TENM4: variants seen among roughly 807,000 people sequenced by gnomAD.
The protein encoded by TENM4 is teneurin-4.
TENM4 carries 82 observed loss-of-function variants against 243.3 expected under a neutral mutation model. The ratio of observed to expected loss-of-function variants is 0.34; its 90% CI spans 0.28 to 0.40. The LOEUF is 0.40. TENM4 is among the 10% of genes least tolerant of loss of function. The pLI, the probability that TENM4 is intolerant of heterozygous loss-of-function variation, is 1.00. For missense variants in TENM4, 3,138 were observed against 3,673.3 expected (o/e 0.85, Z 3.77); for synonymous variants, 1,412 against 1,456.3 (o/e 0.97, Z 0.69).
intron 1 of TENM4, among the ~76,000 whole-genome samples, chr11:79,320,625 G>A (rs1392364697): frequency 6.6e-6 from 1 of 152,070 alleles, no homozygotes; most frequent in Non-Finnish European, 1.5e-5. Flanking sequence ...ACTCATGTTT[G>A]CTTATATCCA....
intron 33 of TENM4, 40 bp from the exon 34 acceptor site, chr11:78,658,856 G>A: frequency 3.2e-6 from 5 of 1,568,946 alleles, no homozygotes; most frequent in Non-Finnish European, 4.3e-6. Flanking sequence ...TAAGACAAAG[G>A]GGAAAAAACC....
chr11:78,889,869 A>C lies in TENM4; in HGVS notation c.1000T>G (p.Ser334Ala). 1 of 1,551,782 alleles carries C rather than the reference A, an allele frequency of 6.4e-7. No homozygotes were observed. Among genetic ancestry groups the C allele is most frequent in the Non-Finnish European group, 8.7e-7 (1 of 1,147,008 alleles). The change falls in exon 9 of 34, where the codon TCC becomes GCC. Residue 334 changes from serine (S) to alanine (A), a missense_variant. Ser to Ala is a moderately conservative substitution (Grantham distance 99). Around this residue, in one of 2 missense-constraint regions of TENM4, gnomAD observed 671 missense variants for 614.1 expected, o/e 1.09. Transcript: ENST00000278550. ...GCGCACTTCCAGTTACAGTACTTGG[A>C]GGGCTTCTTGAGGTTAAAGGCCGGC... Reference protein sequence around the residue: ...ARPAFNLKKPSKYCNWKCAAL... With the variant: ...ARPAFNLKKPAKYCNWKCAAL...
At chr11:78,884,253 T>C (rs916464091) in intron 9 of TENM4, among the ~76,000 whole-genome samples, 5 of 152,222 alleles carry the variant, frequency 3.3e-5, no homozygotes, top group African/African-American at 9.6e-5. Context: ...GCAGGCAGCC[T>C]AATTTCAGAA....
intron 19 of TENM4, among the ~76,000 whole-genome samples, chr11:78,745,395 T>C (rs1856027438): frequency 6.6e-6 from 1 of 152,016 alleles, no homozygotes; most frequent in Non-Finnish European, 1.5e-5. Flanking sequence ...GCCCAGCTAA[T>C]TTTTTGTATT....
At chr11:79,118,620 T>A (rs1317416998) in intron 4 of TENM4, among the ~76,000 whole-genome samples, 1 of 152,190 alleles carries the variant, frequency 6.6e-6, no homozygotes, top group Non-Finnish European at 1.5e-5. Flanking sequence ...ATTTGACTAC[T>A]CTAGGTACCT....
chr11:79,306,344 A>G (rs907296043), intron 1 of TENM4, among the ~76,000 whole-genome samples: 1 of 152,198 alleles, frequency 6.6e-6, no homozygotes, highest in Non-Finnish European at 1.5e-5. Flanking sequence ...CCTTGGCAGC[A>G]TCAGAAAAGC....
chr11:79,150,423 T>G lies in TENM4; in HGVS notation c.-162-1617A>C, dbSNP rs1862482237. Among the ~76,000 whole-genome samples, 3 of 152,054 alleles carry G rather than the reference T, an allele frequency of 2.0e-5. No homozygotes were observed. The South Asian group carries it at 6.2e-4, about 32-fold the overall frequency. ...AAAAACACTGTGTTGAGTTCAAATT[T>G]CTTCATCTAGCAAACAGCCCTTCCC... On this transcript the variant is annotated intron_variant, in intron 3 of 33. Coordinates refer to ENST00000278550, the MANE Select transcript of TENM4 (RefSeq NM_001098816.3).
At chr11:79,215,366 C>A (rs1460031152) in intron 3 of TENM4, among the ~76,000 whole-genome samples, 1 of 152,208 alleles carries the variant, frequency 6.6e-6, no homozygotes, top group Non-Finnish European at 1.5e-5. Context: ...TCCTATTCCC[C>A]ACTGTGCCTC....
intron 3 of TENM4, among the ~76,000 whole-genome samples, chr11:79,209,801 G>A (rs1485288844): frequency 6.6e-6 from 1 of 152,226 alleles, no homozygotes; most frequent in African/African-American, 2.4e-5. Context: ...CCTGTGTGGG[G>A]AAAGTATGGT....
At chr11:79,143,441 C>T (rs1204646632) in intron 4 of TENM4, among the ~76,000 whole-genome samples, 1 of 152,058 alleles carries the variant, frequency 6.6e-6, no homozygotes, top group Non-Finnish European at 1.5e-5. Flanking sequence ...AAACCAAACA[C>T]TGCATGTTCT....
intron 2 of TENM4, among the ~76,000 whole-genome samples, chr11:79,292,274 G>T (rs1856369651): frequency 6.6e-6 from 1 of 151,868 alleles, no homozygotes; most frequent in Non-Finnish European, 1.5e-5. Context: ...TCCTGCCCTC[G>T]ACCACCAATG....
At chr11:79,126,633 A>G (rs1861883079) in intron 4 of TENM4, among the ~76,000 whole-genome samples, 1 of 152,188 alleles carries the variant, frequency 6.6e-6, no homozygotes, top group East Asian at 1.9e-4. Context: ...TGTAATTTAT[A>G]CAAGTAGAAA....
At chr11:78,899,818 T>C (rs1855888698) in intron 7 of TENM4, among the ~76,000 whole-genome samples, 2 of 152,114 alleles carry the variant, frequency 1.3e-5, no homozygotes, top group African/African-American at 2.4e-5. Flanking sequence ...CTGCCATGAG[T>C]GGAAGCAGCC....
chr11:78,855,920 T>A, intron 11 of TENM4, 44 bp downstream of exon 11: 1 of 1,531,592 alleles, frequency 6.5e-7, no homozygotes, highest in Non-Finnish European at 8.8e-7. Context: ...AGATTTGAGG[T>A]AGGAGCCCAT....
chr11:78,853,887 G>T (rs991565450), intron 12 of TENM4, among the ~76,000 whole-genome samples: 1 of 152,210 alleles, frequency 6.6e-6, no homozygotes, highest in Non-Finnish European at 1.5e-5. Flanking sequence ...CAGACAGCAG[G>T]AGAGAAGCAG....
rs184447798 is a variant in TENM4, at chr11:79,409,125, C to T, written c.-321+31384G>A. Among the ~76,000 whole-genome samples, 1,359 of 149,004 alleles carry T rather than the reference C, an allele frequency of 9.1e-3. 16 individuals are homozygous for T. Among genetic ancestry groups the T allele is most frequent in the Non-Finnish European group, 0.013 (864 of 67,486 alleles). ...GTGCGCGCGCGCGCGTGCGTGCACG[C>T]GCACGCACATGCGTGAGAGTTAGTG... On this transcript the variant is annotated intron_variant, in intron 1 of 33. Transcript: ENST00000278550.
intron 18 of TENM4, among the ~76,000 whole-genome samples, chr11:78,760,943 T>C (rs1252867778): frequency 6.6e-6 from 1 of 152,268 alleles, no homozygotes. Context: ...AATTTCTGAA[T>C]AGGCTATTTG....
At chr11:79,394,847 G>T (rs145338202) in intron 1 of TENM4, among the ~76,000 whole-genome samples, 4,212 of 152,188 alleles carry the variant, frequency 0.028, 92 homozygotes, top group Non-Finnish European at 0.038. Flanking sequence ...ATAGAGAGAA[G>T]ATAGCCATGT....
At chr11:79,007,781 A>C (rs191330670) in intron 6 of TENM4, among the ~76,000 whole-genome samples, 1 of 152,230 alleles carries the variant, frequency 6.6e-6, no homozygotes, top group East Asian at 1.9e-4. Flanking sequence ...TGCTTGGCCA[A>C]ATCCGTGTAC....
Sources: allele counts gnomAD v4.1 joint callset (sites outside exome capture counted in the v4.1 genomes callset), GRCh38; gene constraint gnomAD v4.1.1; regional missense constraint gnomAD v4.1.1; transcripts MANE v1.5; gene names NCBI Gene and HGNC (gene_info 2026-07-23, HGNC 2026-07-21).